The following PLXDC1 variants were observed in gnomAD, a reference collection of about 807,000 sequenced individuals.
PLXDC1 encodes plexin domain containing 1.
A neutral mutation model predicts 61.3 loss-of-function variants in PLXDC1; 39 were observed. The observed-to-expected ratio is 0.64, with a 90% CI of 0.49 to 0.83. PLXDC1 has a LOEUF of 0.83. Among genes scored for constraint, PLXDC1 ranks in the 40% least tolerant of loss-of-function variants. The pLI, the probability that PLXDC1 is intolerant of heterozygous loss-of-function variation, is 0.00. For synonymous variants in PLXDC1, 212 were observed against 254.5 expected, an observed-to-expected ratio of 0.83 and a Z score of 1.59; for missense variants, 596 against 666.5, an observed-to-expected ratio of 0.89 and a Z score of 1.17.
At chr17:39,139,072 G>T (rs16501) in intron 2 of PLXDC1, among the ~76,000 whole-genome samples, 1 of 152,030 alleles carries the variant, frequency 6.6e-6, no homozygotes, top group Non-Finnish European at 1.5e-5. Flanking sequence ...AGGCTTCCAA[G>T]AGCCTCCCGG....
chr17:39,081,908 C>T (rs190054019), intron 9 of PLXDC1, among the ~76,000 whole-genome samples: 480 of 152,258 alleles, frequency 3.2e-3, no homozygotes, highest in Non-Finnish European at 4.4e-3. Context: ...CACCACTGCA[C>T]CCCAGCCTGG....
chr17:39,149,381 C>A (rs3025187), intron 1 of PLXDC1, among the ~76,000 whole-genome samples: 3 of 151,904 alleles, frequency 2.0e-5, no homozygotes, highest in African/African-American at 7.3e-5. Flanking sequence ...TCCCCCAGAA[C>A]GTCCTTCTCC....
intron 1 of PLXDC1, among the ~76,000 whole-genome samples, chr17:39,142,039 G>T (rs2143953266): frequency 6.6e-6 from 1 of 152,136 alleles, no homozygotes; most frequent in Non-Finnish European, 1.5e-5. Flanking sequence ...TGTTATGCGG[G>T]AACTGTCCAG....
At chr17:39,130,188 C>T (rs1447261269) in intron 2 of PLXDC1, among the ~76,000 whole-genome samples, 1 of 152,152 alleles carries the variant, frequency 6.6e-6, no homozygotes, top group Non-Finnish European at 1.5e-5. Flanking sequence ...CACGGTGGCT[C>T]ATGCCTGTAA....
intron 1 of PLXDC1, among the ~76,000 whole-genome samples, chr17:39,149,666 C>T (rs1429887918): frequency 1.3e-5 from 2 of 152,174 alleles, no homozygotes; most frequent in African/African-American, 2.4e-5. Context: ...TCTCCTCAAC[C>T]GTCTACTACC....
intron 1 of PLXDC1, among the ~76,000 whole-genome samples, chr17:39,148,725 C>A (rs34745159): frequency 6.6e-6 from 1 of 151,836 alleles, no homozygotes; most frequent in South Asian, 2.1e-4. Context: ...ATGAGCCACC[C>A]TGCCTGGCCT....
At chr17:39,119,512 A>G (rs1266331380) in intron 2 of PLXDC1, among the ~76,000 whole-genome samples, 1 of 152,206 alleles carries the variant, frequency 6.6e-6, no homozygotes, top group African/African-American at 2.4e-5. Flanking sequence ...TGGGAGACCC[A>G]GGTGGGTGGA....
intron 2 of PLXDC1, among the ~76,000 whole-genome samples, chr17:39,139,187 G>T (rs1326377001): frequency 6.6e-6 from 1 of 152,170 alleles, no homozygotes; most frequent in African/African-American, 2.4e-5. Context: ...CACCCTAATT[G>T]CTTTCTCTAC....
intron 8 of PLXDC1, among the ~76,000 whole-genome samples, chr17:39,086,878 A>AAAAAAAAAG (rs1298383783): frequency 6.6e-6 from 1 of 150,746 alleles, no homozygotes; most frequent in African/African-American, 2.4e-5. Flanking sequence ...AAAAAAAAAA[A>AAAAAAAAAG]AAGAAGAAGA....
chr17:39,151,149 G>C lies in PLXDC1; in HGVS notation c.76+213C>G, dbSNP rs566353099. 6.6e-6 allele frequency among the ~76,000 whole-genome samples: 1 copy of C among 152,322 alleles called. No individual in the cohort carries two copies. Among genetic ancestry groups the C allele is most frequent in the East Asian group, 1.9e-4 (1 of 5,186 alleles). ...TTCCAGGAGAGAAGGAGAGGTCCGG[G>C]CATCGGTGTCTCCACCGTCACTCAC... On this transcript the variant is annotated intron_variant, in intron 1 of 13. Transcript: ENST00000315392. The surrounding 1 kb of genome is among the most constrained non-coding windows in gnomAD (Gnocchi z 5.2).
chr17:39,118,007 G>C (rs1436397136), intron 2 of PLXDC1, among the ~76,000 whole-genome samples: 1 of 152,108 alleles, frequency 6.6e-6, no homozygotes, highest in Non-Finnish European at 1.5e-5. Flanking sequence ...TGCAATGAAA[G>C]CTATTGCCAC....
intron 2 of PLXDC1, among the ~76,000 whole-genome samples, chr17:39,119,140 C>T (rs984652444): frequency 6.6e-6 from 1 of 152,152 alleles, no homozygotes; most frequent in South Asian, 2.1e-4. Context: ...GCCCTTGGGT[C>T]TCCCATGATC....
At chr17:39,073,664 T>A (rs889500449) in intron 11 of PLXDC1, among the ~76,000 whole-genome samples, 6 of 152,228 alleles carry the variant, frequency 3.9e-5, no homozygotes, top group African/African-American at 7.2e-5. Context: ...CATTGGCTCC[T>A]GAGTTAGTGG....
intron 8 of PLXDC1, among the ~76,000 whole-genome samples, chr17:39,084,536 C>G (rs1287939813): frequency 6.6e-6 from 1 of 152,198 alleles, no homozygotes; most frequent in Non-Finnish European, 1.5e-5. Context: ...TCCTGATGTT[C>G]GGTCCATGGG....
At chr17:39,084,315 T>A (rs1395534965) in intron 8 of PLXDC1, among the ~76,000 whole-genome samples, 1 of 152,190 alleles carries the variant, frequency 6.6e-6, no homozygotes, top group Non-Finnish European at 1.5e-5. Flanking sequence ...GCTAAATGAG[T>A]AGATTTTAGC....
intron 2 of PLXDC1, among the ~76,000 whole-genome samples, chr17:39,127,375 C>A (rs565571844): frequency 1.4e-4 from 21 of 152,098 alleles, no homozygotes; most frequent in Non-Finnish European, 3.1e-4. Context: ...AGTTGATCCC[C>A]TAGACCAGAG....
intron 2 of PLXDC1, among the ~76,000 whole-genome samples, chr17:39,131,584 C>T (rs1015999975): frequency 1.3e-5 from 2 of 152,056 alleles, no homozygotes; most frequent in Non-Finnish European, 2.9e-5. Flanking sequence ...AACTCCTGAC[C>T]TCAAGTGATA....
At chr17:39,091,134 T>C (rs1050726489) in intron 7 of PLXDC1, among the ~76,000 whole-genome samples, 9 of 152,234 alleles carry the variant, frequency 5.9e-5, no homozygotes, top group African/African-American at 2.2e-4. Flanking sequence ...TCCCCTTGTT[T>C]CTTCCTGATT....
At chr17:39,089,861 GATCTCGGCT>G (rs1909881814) in intron 7 of PLXDC1, among the ~76,000 whole-genome samples, 1 of 152,084 alleles carries the variant, frequency 6.6e-6, no homozygotes, top group Admixed American at 6.6e-5. Flanking sequence ...GCAGTGGGAT[GATCTCGGCT>G]CACTGCAACC....
Sources: allele counts gnomAD v4.1 joint callset (sites outside exome capture counted in the v4.1 genomes callset), GRCh38; gene constraint gnomAD v4.1.1; non-coding constraint Gnocchi (gnomAD v3.1); transcripts MANE v1.5; gene names NCBI Gene and HGNC (gene_info 2026-07-23, HGNC 2026-07-21).